MAPK4: variants seen among roughly 807,000 people sequenced by gnomAD.
MAPK4 encodes mitogen-activated protein kinase 4.
Under a neutral mutation model 47.7 loss-of-function variants are expected in MAPK4, and 22 were observed. The ratio of observed to expected loss-of-function variants is 0.46; its 90% confidence interval spans 0.33 to 0.66. The LOEUF is 0.66. Ranked by LOEUF, MAPK4 falls within the 30% of genes least tolerant of loss-of-function variation. MAPK4 has a pLI of 0.02. For synonymous variants in MAPK4, 390 were observed against 365.7 expected (o/e 1.07, Z -0.76); for missense variants, 736 against 831.7 (o/e 0.88, Z 1.42).
intron 1 of MAPK4, among the ~76,000 whole-genome samples, chr18:50,616,242 C>T (rs2042683670): frequency 6.6e-6 from 1 of 152,134 alleles, no homozygotes; most frequent in African/African-American, 2.4e-5. Context: ...AGTGTGATAC[C>T]TAGTGGAGGC....
At chr18:50,685,469 A>G (rs1254709314) in intron 2 of MAPK4, among the ~76,000 whole-genome samples, 2 of 152,236 alleles carry the variant, frequency 1.3e-5, no homozygotes, top group Non-Finnish European at 2.9e-5. Flanking sequence ...CGGGGGCCCA[A>G]TGGACACATC....
intron 1 of MAPK4, among the ~76,000 whole-genome samples, chr18:50,616,547 C>G (rs2042686322): frequency 6.6e-6 from 1 of 152,070 alleles, no homozygotes; most frequent in Non-Finnish European, 1.5e-5. Context: ...AAGGTGAAGT[C>G]CCAGAATAGA....
At chr18:50,718,906 A>T (rs1051851133) in intron 3 of MAPK4, among the ~76,000 whole-genome samples, 2 of 151,786 alleles carry the variant, frequency 1.3e-5, no homozygotes, top group Admixed American at 6.6e-5. Context: ...ACATGGTGGA[A>T]CCCCGTCTCT....
At chr18:50,614,531 C>T (rs1295842574) in intron 1 of MAPK4, among the ~76,000 whole-genome samples, 7 of 152,064 alleles carry the variant, frequency 4.6e-5, no homozygotes, top group Non-Finnish European at 1.0e-4. Context: ...CCATTTTTAA[C>T]TCTAGCTTTT....
chr18:50,707,569 C>CA (rs11419022), intron 2 of MAPK4, among the ~76,000 whole-genome samples: 8,385 of 72,152 alleles, frequency 0.12, 625 homozygotes, highest in Admixed American at 0.19. Context: ...GCCTCTGTCT[C>CA]AAAAAAAAAA....
Position 50,664,524 on chromosome 18 carries a change from C to T in MAPK4, c.546+20C>T, listed in dbSNP as rs376724918. 34 of 1,559,198 alleles carry T rather than the reference C, an allele frequency of 2.2e-5. No individual in the cohort carries two copies. The highest frequency in any genetic ancestry group is 1.1e-4 in the Admixed American group (6 of 55,584). On this transcript the variant is annotated intron_variant, in intron 2 of 5. Coordinates refer to ENST00000400384, the MANE Select transcript of MAPK4 (RefSeq NM_002747.4). This position sits in a 1 kb window ranked among gnomAD's most constrained non-coding sequence, Gnocchi z 6.0. ...CACAAGGTATGTCTGGCTGGAATGGCGGATACTGGTGGTCCACAGAATCCC... is the reference window on the plus strand; with the variant it reads ...CACAAGGTATGTCTGGCTGGAATGGTGGATACTGGTGGTCCACAGAATCCC...
At chr18:50,716,337 T>G (rs1484764792) in intron 3 of MAPK4, among the ~76,000 whole-genome samples, 1 of 152,104 alleles carries the variant, frequency 6.6e-6, no homozygotes. Context: ...CCCTCTTCCC[T>G]GGGTCTCCTC....
At position 50,685,688 on chromosome 18, in the gene MAPK4, G is replaced by A. The variant is rs1015428992; in HGVS notation, c.546+21184G>A. ...CAGATGTGAGGCTCTGTGAGATCAA[G>A]CCAGTCCTCACACCAGAATGACCTG... is the stretch of plus-strand genomic sequence containing the variant. On this transcript the variant is annotated intron_variant, in intron 2 of 5. Transcript: ENST00000400384. Among the ~76,000 whole-genome samples the A allele has an allele frequency of 3.3e-5, 5 of 152,216 alleles. No homozygotes were observed. In the East Asian group the frequency reaches 7.7e-4, roughly 23 times the overall value.
chr18:50,667,637 CA>C (rs1568071895), intron 2 of MAPK4, among the ~76,000 whole-genome samples: 1 of 152,074 alleles, frequency 6.6e-6, no homozygotes, highest in South Asian at 2.1e-4. Context: ...TTGTGTGGGA[CA>C]AAAAAATGCC....
chr18:50,613,642 A>T (rs1055861077), intron 1 of MAPK4, among the ~76,000 whole-genome samples: 1 of 152,272 alleles, frequency 6.6e-6, no homozygotes, highest in Non-Finnish European at 1.5e-5. Flanking sequence ...TAACTAATAC[A>T]TGCACGTATC....
chr18:50,640,982 C>T (rs3894011), intron 1 of MAPK4, among the ~76,000 whole-genome samples: 147,696 of 152,296 alleles, frequency 0.97, 71,620 homozygotes, highest in Middle Eastern at 0.99. Flanking sequence ...CACAAATCAG[C>T]GTTTTTGTCT....
chr18:50,648,844 G>C (rs990020428), intron 1 of MAPK4, among the ~76,000 whole-genome samples: 3 of 152,144 alleles, frequency 2.0e-5, no homozygotes, highest in African/African-American at 7.2e-5. Context: ...CATGGGGGCA[G>C]GTCAGCAAGA....
intron 2 of MAPK4, among the ~76,000 whole-genome samples, chr18:50,691,966 C>T (rs1331487901): frequency 1.3e-5 from 2 of 152,206 alleles, no homozygotes; most frequent in African/African-American, 4.8e-5. Context: ...TCCCCCCTCA[C>T]ACCCACCTTC....
intron 2 of MAPK4, among the ~76,000 whole-genome samples, chr18:50,695,544 C>T (rs760218953): frequency 9.2e-5 from 14 of 152,074 alleles, no homozygotes; most frequent in Non-Finnish European, 1.2e-4. Context: ...GGGCGCTTGA[C>T]GTGAGCCTTG....
intron 2 of MAPK4, among the ~76,000 whole-genome samples, chr18:50,677,241 G>T (rs1365579814): frequency 6.6e-6 from 1 of 152,194 alleles, no homozygotes. Flanking sequence ...GTGCCAAAAA[G>T]GTTGGGGACT....
rs905722763 is a variant in MAPK4, at chr18:50,678,336, A to G, written c.546+13832A>G. ...CCCCTTAAATGTTGACACATTTGCA[A>G]TTTGGCCAAAGCCTGCCTCTAGTAC... is the stretch of plus-strand genomic sequence containing the variant. On this transcript the variant is annotated intron_variant, in intron 2 of 5. Transcript: ENST00000400384. This position sits in a 1 kb window ranked among gnomAD's most constrained non-coding sequence, Gnocchi z 4.2. Among the ~76,000 whole-genome samples, 1 of 152,194 alleles carries G rather than the reference A, an allele frequency of 6.6e-6. No homozygotes were observed. Among genetic ancestry groups the G allele is most frequent in the Non-Finnish European group, 1.5e-5 (1 of 68,028 alleles).
intron 1 of MAPK4, among the ~76,000 whole-genome samples, chr18:50,591,977 A>G (rs1286177689): frequency 2.6e-5 from 4 of 152,210 alleles, no homozygotes; most frequent in Non-Finnish European, 5.9e-5. Flanking sequence ...GTGGTTAAAA[A>G]TGAAGCAGCT....
At chr18:50,685,039 G>T (rs561919930) in intron 2 of MAPK4, among the ~76,000 whole-genome samples, 2 of 152,244 alleles carry the variant, frequency 1.3e-5, no homozygotes, top group African/African-American at 2.4e-5. Context: ...ACTCATGATG[G>T]ATGTTCCATG....
intron 1 of MAPK4, among the ~76,000 whole-genome samples, chr18:50,645,828 TA>T (rs964633698): frequency 6.6e-6 from 1 of 152,166 alleles, no homozygotes; most frequent in Non-Finnish European, 1.5e-5. Flanking sequence ...TCCAGATGGG[TA>T]TGTTTGGGCA....
Sources: gnomAD v4.1 joint callset for allele counts (sites outside exome capture counted in the v4.1 genomes callset) on GRCh38, gnomAD v4.1.1 for gene constraint, Gnocchi (gnomAD v3.1) non-coding constraint, MANE v1.5 for transcripts, NCBI Gene and HGNC (gene_info 2026-07-23, HGNC 2026-07-21) for gene names.